The following EEF2 variants were observed in gnomAD, a reference collection of about 807,000 sequenced individuals.
EEF2 encodes the protein eukaryotic translation elongation factor 2.
Under a neutral mutation model 85.3 loss-of-function variants are expected in EEF2, and 21 were observed. The observed-to-expected ratio is 0.25, with a 90% CI of 0.17 to 0.35. The LOEUF (loss-of-function observed/expected upper bound fraction) is 0.35, where lower values mean the gene tolerates loss of function less well. Among genes scored for constraint, EEF2 ranks in the 10% least tolerant of loss-of-function variants. The pLI, the probability that EEF2 is intolerant of heterozygous loss-of-function variation, is 1.00. For synonymous variants in EEF2, 723 were observed against 508.8 expected, an observed-to-expected ratio of 1.42 and a Z score of -5.67; for missense variants, 825 against 1,225.3, an observed-to-expected ratio of 0.67 and a Z score of 4.88.
rs549737868 is a variant in EEF2 at position 3,983,631 on chromosome 19, T to G, written c.219-340A>C. On this transcript the variant is annotated intron_variant, in intron 2 of 14. Coordinates refer to ENST00000309311, the MANE Select transcript of EEF2 (RefSeq NM_001961.4). ...GCCTCCAGAGACTCCGACCCTCCCCTCCTCACTTCTGCCCCTGCTCCAGGG... is the reference window on the plus strand; with the variant it reads ...GCCTCCAGAGACTCCGACCCTCCCCGCCTCACTTCTGCCCCTGCTCCAGGG... Among the ~76,000 whole-genome samples, 41 of 152,120 alleles carry G rather than the reference T, an allele frequency of 2.7e-4. 2 individuals carry two copies. The South Asian group carries it at 5.0e-3, about 18-fold the overall frequency.
At position 3,980,861 on chromosome 19, in the gene EEF2, G is replaced by A. The variant is rs1377534088; in HGVS notation, c.1130C>T (p.Pro377Leu). Residue 377 changes from proline to leucine, a missense_variant, in exon 8 of 15, where the codon CCG (proline) becomes CTG (leucine). Pro to Leu is a moderately conservative substitution (Grantham distance 98). Coordinates refer to ENST00000309311, the MANE Select transcript of EEF2 (RefSeq NM_001961.4). Reference sequence around the variant, plus strand: ...CGTACCCATGGCAGCCTCGTCGTCCGGGGGCCCCTCGTACAGGAGCTCGCA... The same window carrying A: ...CGTACCCATGGCAGCCTCGTCGTCCAGGGGCCCCTCGTACAGGAGCTCGCA... ...YRCELLYEGP[P>L]DDEAAMGIKS... 3.0e-5 allele frequency: 47 copies of A among 1,555,656 alleles called. No individual in the cohort carries two copies. Among genetic ancestry groups the A allele is most frequent in the Non-Finnish European group, 3.5e-5 (40 of 1,148,754 alleles).
intron 6 of EEF2, 64 bp downstream of exon 6, chr19:3,981,883 G>T: frequency 8.0e-6 from 12 of 1,492,468 alleles, no homozygotes; most frequent in Non-Finnish European, 1.1e-5. Context: ...GCTACCGGCC[G>T]GAGCCCACAG....
At position 3,979,808 on chromosome 19, in the gene EEF2, C is replaced by T. The variant is rs1374897897; in HGVS notation, c.1605G>A (p.Gln535=). The part of the protein sequence containing the change: ...KRLAKSDPMV[Q]CIIEESGEHI... The stretch of plus-strand genomic sequence containing the variant: ...CCCAGCAGGTGCACTCCGTGCCCAC[C>T]TGCACCATGGGGTCGGACTTGGCCA... Residue 535 remains glutamine (Q), a splice_region_variant and synonymous_variant, in exon 10 of 15, where the codon CAG becomes CAA. Coordinates refer to ENST00000309311, the MANE Select transcript of EEF2 (RefSeq NM_001961.4). 1 of 1,612,044 alleles carries T rather than the reference C, an allele frequency of 6.2e-7. No homozygotes were observed. Among genetic ancestry groups the T allele is most frequent in the African/African-American group, 1.3e-5 (1 of 74,948 alleles).
rs1201034809 is a variant in EEF2, at chr19:3,979,510, T to C, written c.1606-74A>G. ...GCGGGACCAGGCTCCCAGCTTCCCTTTAGCTAGGGACCCCGCCAGAACAAG... is the reference window on the plus strand; with the variant it reads ...GCGGGACCAGGCTCCCAGCTTCCCTCTAGCTAGGGACCCCGCCAGAACAAG... On this transcript the variant is annotated intron_variant, in intron 10 of 14. Coordinates refer to ENST00000309311, the MANE Select transcript of EEF2 (RefSeq NM_001961.4). 5.3e-6 allele frequency: 7 copies of C among 1,313,140 alleles called. No homozygotes were observed. The African/African-American group carries it at 7.3e-5, about 14-fold the overall frequency. The allele number at this position is 1,313,140 out of a possible 1,614,324, so 81.3% of individuals were successfully genotyped here.
rs778270474 is a variant in EEF2, at chr19:3,976,753, G to C, written c.2384-6C>G. 6.4e-7 allele frequency: 1 copy of C among 1,552,530 alleles called. No homozygotes were observed. The highest frequency in any genetic ancestry group is 1.2e-5 in the South Asian group (1 of 83,726). On this transcript the variant is annotated splice_polypyrimidine_tract_variant and splice_region_variant and intron_variant, in intron 14 of 14. Transcript: ENST00000309311. ...CCTCAGGTCAGCGGTGAAGCCTGCA[G>C]AGGGAAGCGAGAGGCTCACTGGGCC...
rs959643292 is a variant in EEF2 at position 3,982,371 on chromosome 19, G to A, written c.666C>T (p.Ala222=). Residue 222 remains alanine, a synonymous_variant, in exon 5 of 15, where the codon GCC becomes GCT. Coordinates refer to ENST00000309311, the MANE Select transcript of EEF2 (RefSeq NM_001961.4). The part of the protein sequence containing the change: ...VGFGSGLHGW[A]FTLKQFAEMY... ...TCTCGGCAAACTGCTTCAGGGTGAA[G>A]GCCCACCCGTGGAGGCCAGACCCAA... The A allele has an allele frequency of 6.2e-7, 1 of 1,614,144 alleles. No individual in the cohort carries two copies. Among genetic ancestry groups the A allele is most frequent in the Non-Finnish European group, 8.5e-7 (1 of 1,180,046 alleles).
At chr19:3,981,082 T>C (rs1353412257) in intron 7 of EEF2, 103 bp from the exon 8 acceptor site, 1 of 1,473,890 alleles carries the variant, frequency 6.8e-7, no homozygotes, top group South Asian at 1.3e-5. Context: ...AAGTCAGGAC[T>C]AACGTTCTCC....
chr19:3,982,158 C>T (rs912332585), intron 5 of EEF2, 88 bp downstream of exon 5: 17 of 1,599,172 alleles, frequency 1.1e-5, no homozygotes, highest in Non-Finnish European at 1.4e-5. Flanking sequence ...TGGGCTTGAG[C>T]CACGCTGTGA....
chr19:3,982,651 G>A (rs1475934236), intron 4 of EEF2, 156 bp downstream of exon 4: 2 of 1,106,714 alleles, frequency 1.8e-6, no homozygotes, highest in Non-Finnish European at 1.3e-6. Flanking sequence ...TCAAGGGCTG[G>A]GTCAAGTCGG....
chr19:3,979,317 C>T lies in EEF2; in HGVS notation c.1713+12G>A. 6.2e-7 allele frequency: 1 copy of T among 1,611,484 alleles called. No homozygotes were observed. The stretch of plus-strand genomic sequence containing the variant: ...GGTGGGGCGTGGGGAAGGCTGGTCA[C>T]TGGCGCCTCACCTTGATGGGGATGC... On this transcript the variant is annotated intron_variant, in intron 11 of 14. Coordinates refer to ENST00000309311, the MANE Select transcript of EEF2 (RefSeq NM_001961.4).
chr19:3,976,224 T>A lies in EEF2; in HGVS notation c.*330A>T, dbSNP rs1007790109. ...CCATGTACCCAAATAAACCTCTTAA[T>A]GCGTTTGTTAAAATTAGTTTGGACA... On this transcript the variant is annotated 3_prime_UTR_variant, in exon 15 of 15. Coordinates refer to ENST00000309311, the MANE Select transcript of EEF2 (RefSeq NM_001961.4). 2.9e-6 allele frequency: 1 copy of A among 343,026 alleles called. No individual in the cohort carries two copies. The highest frequency in any genetic ancestry group is 3.1e-5 in the South Asian group (1 of 32,446). 21.2% of individuals were successfully genotyped at this position (343,026 alleles called of 1,614,324 possible). A position where few individuals can be genotyped will look rare whatever the true frequency, so the allele number is the denominator to read the frequency against.
At chr19:3,978,266 C>T (rs1356056201) in intron 11 of EEF2, 94 bp from the exon 12 acceptor site, 8 of 1,106,416 alleles carry the variant, frequency 7.2e-6, no homozygotes, top group Non-Finnish European at 9.9e-6. Context: ...CAAGGCGGAC[C>T]TCATACAGCC....
intron 6 of EEF2, 40 bp from the exon 7 acceptor site, chr19:3,981,492 A>T (rs2039746529): frequency 6.3e-7 from 1 of 1,582,276 alleles, no homozygotes; most frequent in African/African-American, 1.3e-5. Context: ...CCATTTGGGA[A>T]CAGCAGGAGG....
intron 9 of EEF2, 128 bp from the exon 10 acceptor site, chr19:3,980,194 A>G: frequency 7.4e-7 from 1 of 1,356,468 alleles, no homozygotes; most frequent in Non-Finnish European, 9.9e-7. Context: ...TGGCTTCCAC[A>G]AGGCCCTGAC....
At chr19:3,979,047 G>A (rs567155852) in intron 11 of EEF2, among the ~76,000 whole-genome samples, 3 of 151,920 alleles carry the variant, frequency 2.0e-5, no homozygotes, top group Non-Finnish European at 2.9e-5. Flanking sequence ...CAAGAGAATC[G>A]CTTGAACCCG....
chr19:3,985,102 G>T, intron 1 of EEF2: 1 of 387,336 alleles, frequency 2.6e-6, no homozygotes, highest in Non-Finnish European at 4.6e-6. Context: ...TACTACGCCT[G>T]CCACATCATC....
chr19:3,980,363 G>A, intron 9 of EEF2, 151 bp downstream of exon 9: 7 of 1,063,180 alleles, frequency 6.6e-6, no homozygotes, highest in Non-Finnish European at 9.3e-6. Flanking sequence ...GCCCTCACTG[G>A]GCTAAGAACA....
Position 3,982,013 on chromosome 19 carries a change from G to A in EEF2, c.831C>T (p.Ala277=), listed in dbSNP as rs2039755341. 2 of 1,614,190 alleles carry A rather than the reference G, an allele frequency of 1.2e-6. No homozygotes were observed. Among genetic ancestry groups the A allele is most frequent in the Non-Finnish European group, 1.7e-6 (2 of 1,180,018 alleles). Residue 277 remains alanine, a synonymous_variant, in exon 6 of 15, where the codon GCC becomes GCT. Transcript: ENST00000309311. ...GCAGCTTCTTCCCTTCGGGGCTGGT[G>A]GCTGACTTGCTGAACTTGCCGTTGG... ...DPANGKFSKS[A]TSPEGKKLPR...
chr19:3,982,661 G>A, intron 4 of EEF2, 146 bp downstream of exon 4: 1 of 1,128,482 alleles, frequency 8.9e-7, no homozygotes, highest in Non-Finnish European at 1.3e-6. Flanking sequence ...GGTCAAGTCG[G>A]ATGAAAACAT....
Sources: allele counts gnomAD v4.1 joint callset (sites outside exome capture counted in the v4.1 genomes callset), GRCh38; gene constraint gnomAD v4.1.1; transcripts MANE v1.5; gene names NCBI Gene and HGNC (gene_info 2026-07-23, HGNC 2026-07-21).